PTPRK: variants seen among roughly 807,000 people sequenced by gnomAD.
The protein encoded by PTPRK is receptor-type tyrosine-protein phosphatase kappa.
A neutral mutation model predicts 178.0 loss-of-function variants in PTPRK; 75 were observed. The observed-to-expected ratio is 0.42, with a 90% CI of 0.35 to 0.51. The LOEUF is 0.51. Ranked by LOEUF, PTPRK falls within the 20% of genes least tolerant of loss-of-function variation. The pLI is 0.02. For missense variants in PTPRK, 1,441 were observed against 1,797.8 expected (o/e 0.80, Z 3.59); for synonymous variants, 637 against 620.6 (o/e 1.03, Z -0.39).
chr6:128,491,493 G>C (rs1853766890), intron 1 of PTPRK, among the ~76,000 whole-genome samples: 1 of 152,202 alleles, frequency 6.6e-6, no homozygotes, highest in African/African-American at 2.4e-5. Flanking sequence ...GAATGTTTAT[G>C]AGGAAGCAGA....
intron 1 of PTPRK, among the ~76,000 whole-genome samples, chr6:128,490,271 T>C (rs1390602127): frequency 6.6e-6 from 1 of 152,202 alleles, no homozygotes; most frequent in Admixed American, 6.5e-5. Flanking sequence ...GAAAAGTTAA[T>C]TCGTGACAAG....
chr6:128,437,505 T>G (rs966280768), intron 1 of PTPRK, among the ~76,000 whole-genome samples: 1 of 152,168 alleles, frequency 6.6e-6, no homozygotes, highest in Non-Finnish European at 1.5e-5. Context: ...GAACCCACTC[T>G]TGGGGTCTGG....
intron 15 of PTPRK, among the ~76,000 whole-genome samples, chr6:128,002,422 C>T (rs2114696230): frequency 6.6e-6 from 1 of 151,938 alleles, no homozygotes; most frequent in East Asian, 1.9e-4. Context: ...AACCTGTAAA[C>T]ATACAGGCAA....
chr6:128,402,105 A>G (rs1841097544), intron 1 of PTPRK, among the ~76,000 whole-genome samples: 1 of 152,192 alleles, frequency 6.6e-6, no homozygotes. Context: ...AATTCATTAC[A>G]AAAAAGCCAA....
intron 1 of PTPRK, among the ~76,000 whole-genome samples, chr6:128,516,416 A>T (rs1461438020): frequency 6.6e-6 from 1 of 152,184 alleles, no homozygotes. Flanking sequence ...AGTCCTGGAA[A>T]TGTCCAGCTA....
intron 1 of PTPRK, among the ~76,000 whole-genome samples, chr6:128,432,833 G>C (rs1891147): frequency 6.7e-6 from 1 of 150,118 alleles, no homozygotes; most frequent in Non-Finnish European, 1.5e-5. Flanking sequence ...ATTTTTATTC[G>C]GTATTTTCAT....
chr6:128,046,895 T>A (rs1228358939), intron 13 of PTPRK, among the ~76,000 whole-genome samples: 1 of 152,194 alleles, frequency 6.6e-6, no homozygotes, highest in Admixed American at 6.6e-5. Context: ...TCTTGACAGA[T>A]AAACTGTTCT....
chr6:128,172,567 CT>C lies in PTPRK; in HGVS notation c.1162+11864del, dbSNP rs1800429178. ...TAAAAAATTTTAAAAATAAGTTGTT[CT>C]AATTGGATGTTGTAGTAAGATATCA... On this transcript the variant is annotated intron_variant, in intron 7 of 29. Transcript: ENST00000368226. Among the ~76,000 whole-genome samples, 3 of 151,120 alleles carry C rather than the reference CT, an allele frequency of 2.0e-5. No individual in the cohort carries two copies. The South Asian group carries it at 6.3e-4, about 31-fold the overall frequency.
intron 3 of PTPRK, among the ~76,000 whole-genome samples, chr6:128,296,246 C>T (rs542849886): frequency 1.3e-5 from 2 of 152,116 alleles, no homozygotes; most frequent in East Asian, 3.9e-4. Context: ...CTAGTAGATA[C>T]CTATTCAGAA....
intron 2 of PTPRK, among the ~76,000 whole-genome samples, chr6:128,339,844 T>C (rs1831431933): frequency 1.3e-5 from 2 of 152,158 alleles, no homozygotes; most frequent in Non-Finnish European, 2.9e-5. Flanking sequence ...GGGACATCAA[T>C]AATACCACAG....
chr6:127,976,510 C>T, intron 27 of PTPRK, 147 bp downstream of exon 27: 1 of 992,800 alleles, frequency 1.0e-6, no homozygotes, highest in South Asian at 1.7e-5. Context: ...TATTCGAGTA[C>T]TAAGGCATAA....
intron 5 of PTPRK, among the ~76,000 whole-genome samples, chr6:128,233,950 T>C (rs938771172): frequency 1.3e-5 from 2 of 152,218 alleles, no homozygotes; most frequent in Non-Finnish European, 2.9e-5. Context: ...ATTAGTATTT[T>C]AGTTTCTACA....
Position 128,169,212 on chromosome 6 carries a change from C to A in PTPRK, c.1162+15220G>T, listed in dbSNP as rs767379818. 3.0e-4 allele frequency among the ~76,000 whole-genome samples: 45 copies of A among 152,134 alleles called. 1 individual carries two copies. Among genetic ancestry groups the A allele is most frequent in the African/African-American group, 1.1e-3 (45 of 41,532 alleles). On this transcript the variant is annotated intron_variant, in intron 7 of 29. Coordinates refer to ENST00000368226, the MANE Select transcript of PTPRK (RefSeq NM_002844.4). ...GCAAAAAGAGTAGATTTCAGGTGCT[C>A]TGACACCCTACAAAAGGATAACTAT...
At chr6:128,206,595 T>C (rs957862837) in intron 6 of PTPRK, among the ~76,000 whole-genome samples, 1 of 151,894 alleles carries the variant, frequency 6.6e-6, no homozygotes, top group Non-Finnish European at 1.5e-5. Flanking sequence ...AAATAGAAAA[T>C]TTAAGTGTTA....
intron 1 of PTPRK, among the ~76,000 whole-genome samples, chr6:128,465,484 A>T (rs76902451): frequency 6.6e-6 from 1 of 152,206 alleles, no homozygotes; most frequent in Non-Finnish European, 1.5e-5. Flanking sequence ...TTCATATACC[A>T]TGTTTAAAAA....
chr6:128,216,572 A>C (rs1328829383), intron 6 of PTPRK, among the ~76,000 whole-genome samples: 1 of 151,832 alleles, frequency 6.6e-6, no homozygotes, highest in African/African-American at 2.4e-5. Flanking sequence ...CAAAATTTTC[A>C]ATGAAATTTA....
chr6:128,170,212 G>A (rs963867017), intron 7 of PTPRK, among the ~76,000 whole-genome samples: 3 of 151,988 alleles, frequency 2.0e-5, no homozygotes, highest in South Asian at 2.1e-4. Context: ...GTGGGAGCCC[G>A]AGTGTTGGGG....
intron 3 of PTPRK, 123 bp downstream of exon 3, chr6:128,321,916 G>A: frequency 8.0e-7 from 1 of 1,253,470 alleles, no homozygotes; most frequent in South Asian, 1.2e-5. Flanking sequence ...CCCAATAATG[G>A]GGGTGGGGGA....
intron 7 of PTPRK, among the ~76,000 whole-genome samples, chr6:128,170,933 T>A (rs1800153234): frequency 6.6e-6 from 1 of 151,592 alleles, no homozygotes; most frequent in Non-Finnish European, 1.5e-5. Flanking sequence ...ACACTTAGAT[T>A]GTGCAGTGAT....
Sources: allele counts gnomAD v4.1 joint callset (sites outside exome capture counted in the v4.1 genomes callset), GRCh38; gene constraint gnomAD v4.1.1; transcripts MANE v1.5; gene names NCBI Gene and HGNC (gene_info 2026-07-23, HGNC 2026-07-21).